ABCB4: variants seen among roughly 807,000 people sequenced by gnomAD.
The protein encoded by ABCB4 is phosphatidylcholine translocator ABCB4.
ABCB4 carries 76 observed loss-of-function variants against 145.7 expected under a neutral mutation model. The observed-to-expected ratio is 0.52, with a 90% CI of 0.43 to 0.63. ABCB4 has a LOEUF of 0.63. Among genes scored for constraint, ABCB4 ranks in the 30% least tolerant of loss-of-function variants. The pLI, the probability that ABCB4 is intolerant of heterozygous loss-of-function variation, is 0.00. For missense variants in ABCB4, 1,234 were observed against 1,553.1 expected (o/e 0.79, Z 3.45); for synonymous variants, 517 against 566.8 (o/e 0.91, Z 1.25).
the ABCB4 span, among the ~76,000 whole-genome samples, chr7:87,383,378 C>T: frequency 1.3e-5 from 2 of 152,070 alleles, no homozygotes; most frequent in African/African-American, 4.8e-5. Flanking sequence ...CTTTCTATTT[C>T]TGGATTATTT....
downstream of ABCB4, chr7:87,398,794 T>C (rs1807641659): frequency 1.4e-6 from 1 of 714,330 alleles, no homozygotes; most frequent in Non-Finnish European, 2.3e-6. Flanking sequence ...ATTAGTAGAA[T>C]CATGCTCTCT....
chr7:87,382,487 C>T, the ABCB4 span: 2 of 1,613,856 alleles, frequency 1.2e-6, no homozygotes, highest in Non-Finnish European at 1.7e-6. Context: ...AGATGCTTCA[C>T]CCGGATACGT....
the ABCB4 span, among the ~76,000 whole-genome samples, chr7:87,385,021 TG>T: frequency 6.6e-6 from 1 of 152,184 alleles, no homozygotes; most frequent in African/African-American, 2.4e-5. Flanking sequence ...GATTTATTTC[TG>T]GGTTCTCTAT....
At chr7:87,409,539 C>A in intron 23 of ABCB4, 147 bp from the exon 24 acceptor site, 1 of 847,048 alleles carries the variant, frequency 1.2e-6, no homozygotes. Flanking sequence ...TCATAAAATT[C>A]TAGTAACAAG....
chr7:87,422,018 G>A, intron 18 of ABCB4, 103 bp downstream of exon 18: 1 of 856,712 alleles, frequency 1.2e-6, no homozygotes. Flanking sequence ...AATCATGTTT[G>A]CAATTTATTT....
intron 23 of ABCB4, among the ~76,000 whole-genome samples, chr7:87,411,136 T>C (rs1378754770): frequency 6.6e-6 from 1 of 152,202 alleles, no homozygotes; most frequent in South Asian, 2.1e-4. Flanking sequence ...TATAGATACA[T>C]TTTTTCATGG....
chr7:87,475,542 C>T, intron 1 of ABCB4, 71 bp from the exon 2 acceptor site: 3 of 1,499,374 alleles, frequency 2.0e-6, no homozygotes, highest in Non-Finnish European at 2.8e-6. Flanking sequence ...TCGCGGGGCC[C>T]GGGGGCACTG....
At chr7:87,378,241 G>A in the ABCB4 span, among the ~76,000 whole-genome samples, 1 of 151,864 alleles carries the variant, frequency 6.6e-6, no homozygotes, top group East Asian at 1.9e-4. Context: ...CTACTTGGGA[G>A]GCTGAGGTCT....
At chr7:87,373,769 A>G in the ABCB4 span, among the ~76,000 whole-genome samples, 1 of 152,116 alleles carries the variant, frequency 6.6e-6, no homozygotes, top group Admixed American at 6.6e-5. Flanking sequence ...AACTTATAAG[A>G]GGAGCTTGGA....
chr7:87,426,403 T>C (rs1001281374), intron 16 of ABCB4, among the ~76,000 whole-genome samples: 9 of 152,226 alleles, frequency 5.9e-5, no homozygotes, highest in Admixed American at 3.3e-4. Flanking sequence ...GATAATCAAA[T>C]GTAATCCTAC....
At chr7:87,382,438 A>G in the ABCB4 span, 2 of 1,613,762 alleles carry the variant, frequency 1.2e-6, no homozygotes, top group Admixed American at 1.7e-5. Flanking sequence ...ATTGCGGCTT[A>G]TGCCTTTACA....
At chr7:87,428,585 GA>G (rs537792944) in intron 15 of ABCB4, among the ~76,000 whole-genome samples, 3 of 150,924 alleles carry the variant, frequency 2.0e-5, no homozygotes, top group African/African-American at 7.3e-5. Flanking sequence ...AACAAAGCAG[GA>G]AAAAAAAATC....
rs76803195 is a variant in ABCB4 at position 87,423,930 on chromosome 7, T to G, written c.2187A>C (p.Ser729=). Residue 729 remains serine (S), a synonymous_variant, in exon 17 of 28, where the codon TCA becomes TCC. Transcript: ENST00000649586. The part of the protein sequence containing the change: ...IANGGLQPAF[S]VIFSEIIAIF... ...CCGCTATGATCTCTGAGAATATGAC[T>G]GAAAATGCCGGCTGAAGCCCCCCAT... The G allele has an allele frequency of 3.1e-6, 5 of 1,614,102 alleles. No homozygotes were observed. The East Asian group carries it at 1.1e-4, about 36-fold the overall frequency.
intron 14 of ABCB4, among the ~76,000 whole-genome samples, chr7:87,431,797 T>C (rs1253691510): frequency 1.3e-5 from 2 of 152,230 alleles, no homozygotes; most frequent in African/African-American, 4.8e-5. Context: ...GGGTGATTTC[T>C]CCAGAAACCT....
chr7:87,415,001 T>G (rs1229203441), intron 21 of ABCB4, among the ~76,000 whole-genome samples: 2 of 152,228 alleles, frequency 1.3e-5, no homozygotes, highest in Non-Finnish European at 2.9e-5. Context: ...TGAGACTATC[T>G]GATGTGGAGT....
rs78253146 is a variant in ABCB4, at chr7:87,448,663, T to C, written c.833+1305A>G. Reference sequence around the variant, plus strand: ...GCTAATGGAGCGGCACAGATTACACTGACATCCTGAGGTCCAACTGAGGGT... The same window carrying C: ...GCTAATGGAGCGGCACAGATTACACCGACATCCTGAGGTCCAACTGAGGGT... On this transcript the variant is annotated intron_variant, in intron 8 of 27. Coordinates refer to ENST00000649586, the MANE Select transcript of ABCB4 (RefSeq NM_000443.4). 8.2e-3 allele frequency: 1,242 copies of C among 152,356 alleles called. 18 individuals carry two copies. The highest frequency in any genetic ancestry group is 0.028 in the South Asian group (134 of 4,824). The allele number at this position is 152,356 out of a possible 1,614,324, so 9.4% of individuals were successfully genotyped here. A position where few individuals can be genotyped will look rare whatever the true frequency, so the allele number is the denominator to read the frequency against.
At chr7:87,474,147 GT>G (rs1181640901) in intron 2 of ABCB4, among the ~76,000 whole-genome samples, 1 of 152,174 alleles carries the variant, frequency 6.6e-6, no homozygotes, top group African/African-American at 2.4e-5. Flanking sequence ...GTTCTGAAGT[GT>G]TACTACACCT....
At chr7:87,406,620 C>T in intron 25 of ABCB4, 126 bp from the exon 26 acceptor site, 2 of 1,003,754 alleles carry the variant, frequency 2.0e-6, no homozygotes, top group East Asian at 2.6e-5. Flanking sequence ...CAACAACCCT[C>T]CAAGACTTAT....
At chr7:87,432,995 A>G (rs931721458) in intron 14 of ABCB4, among the ~76,000 whole-genome samples, 5 of 152,158 alleles carry the variant, frequency 3.3e-5, no homozygotes, top group African/African-American at 1.2e-4. Context: ...AAATAGTAAA[A>G]CCTAGGAAAA....
Sources: gnomAD v4.1 joint callset for allele counts (sites outside exome capture counted in the v4.1 genomes callset) on GRCh38, gnomAD v4.1.1 for gene constraint, MANE v1.5 for transcripts, NCBI Gene and HGNC (gene_info 2026-07-23, HGNC 2026-07-21) for gene names.